Variants in NT5DC3 observed in about 807,000 individuals in gnomAD.
The protein encoded by NT5DC3 is 5'-nucleotidase domain-containing protein 3.
Under a neutral mutation model 67.8 loss-of-function variants are expected in NT5DC3, and 42 were observed. The observed-to-expected ratio is 0.62, with a 90% confidence interval of 0.48 to 0.80. The LOEUF is 0.80. Among genes scored for constraint, NT5DC3 ranks in the 30% least tolerant of loss-of-function variants. NT5DC3 has a pLI of 0.00. For missense variants in NT5DC3, 570 were observed against 696.4 expected, an observed-to-expected ratio of 0.82 and a Z score of 2.04; for synonymous variants, 237 against 255.6, an observed-to-expected ratio of 0.93 and a Z score of 0.69.
At chr12:103,787,646 T>A in intron 10 of NT5DC3, 119 bp from the exon 11 acceptor site, 1 of 522,534 alleles carries the variant, frequency 1.9e-6, no homozygotes, top group Non-Finnish European at 3.3e-6. Flanking sequence ...AATATCAAAA[T>A]ATAAAGATAA....
intron 2 of NT5DC3, among the ~76,000 whole-genome samples, chr12:103,810,027 C>T (rs569676198): frequency 3.3e-5 from 5 of 150,964 alleles, no homozygotes; most frequent in Non-Finnish European, 7.4e-5. Flanking sequence ...AAGGATTCAG[C>T]CCAAAAATGC....
the NT5DC3 span, chr12:103,758,165 C>A: frequency 6.2e-7 from 1 of 1,613,888 alleles, no homozygotes; most frequent in African/African-American, 1.3e-5. Context: ...CCTTCTTCTC[C>A]CCAGGAAGTG....
At chr12:103,781,242 T>C (rs1885537972) in intron 12 of NT5DC3, among the ~76,000 whole-genome samples, 1 of 152,226 alleles carries the variant, frequency 6.6e-6, no homozygotes, top group Non-Finnish European at 1.5e-5. Context: ...CCTTAGAACC[T>C]GGAGGAAAAC....
the NT5DC3 span, chr12:103,755,347 G>A: frequency 1.2e-6 from 2 of 1,614,148 alleles, no homozygotes; most frequent in Non-Finnish European, 1.7e-6. Context: ...GACCGGGCGG[G>A]TTGCCTACCC....
chr12:103,758,463 G>C, the NT5DC3 span, among the ~76,000 whole-genome samples: 1 of 152,242 alleles, frequency 6.6e-6, no homozygotes, highest in East Asian at 1.9e-4. Context: ...TCTGAGACCA[G>C]CTGTCAGCTG....
rs1885269333 is a variant in NT5DC3, at chr12:103,774,313, C to T, written c.*3516G>A. On this transcript the variant is annotated 3_prime_UTR_variant, in exon 14 of 14. Coordinates refer to ENST00000392876, the MANE Select transcript of NT5DC3 (RefSeq NM_001031701.3). ...TAAATGGCTGAAAACAGATTCATTT[C>T]CCTTGTACCAATATGCATTCATCAA... is the stretch of plus-strand genomic sequence containing the variant. The T allele has an allele frequency of 6.6e-6, 1 of 152,210 alleles. No homozygotes were observed. The highest frequency in any genetic ancestry group is 1.5e-5 in the Non-Finnish European group (1 of 68,050). The allele number at this position is 152,210 out of a possible 1,614,324, so 9.4% of individuals were successfully genotyped here.
the NT5DC3 span, chr12:103,762,163 T>G: frequency 2.1e-6 from 3 of 1,426,478 alleles, no homozygotes; most frequent in Non-Finnish European, 2.9e-6. Context: ...CATGTTAACA[T>G]GTCAGTATTT....
At chr12:103,767,492 G>C (rs1885034710), downstream of NT5DC3, among the ~76,000 whole-genome samples, 1 of 152,142 alleles carries the variant, frequency 6.6e-6, no homozygotes, top group East Asian at 1.9e-4. Context: ...ACTACCTTAT[G>C]AATATACTAA....
At chr12:103,756,993 G>GGA in the NT5DC3 span, among the ~76,000 whole-genome samples, 82 of 15,260 alleles carry the variant, frequency 5.4e-3, no homozygotes, top group African/African-American at 0.027. Context: ...CAGAAGGAGG[G>GGA]AAAATATATA....
At chr12:103,767,905 AC>A (rs1240131982), downstream of NT5DC3, among the ~76,000 whole-genome samples, 2 of 151,478 alleles carry the variant, frequency 1.3e-5, no homozygotes, top group Admixed American at 6.6e-5. Flanking sequence ...ACATGGTGAA[AC>A]CCCGTCTCTA....
At chr12:103,783,395 A>G (rs1477422072) in intron 12 of NT5DC3, among the ~76,000 whole-genome samples, 3 of 152,160 alleles carry the variant, frequency 2.0e-5, no homozygotes, top group African/African-American at 7.2e-5. Flanking sequence ...TCACTAGAGC[A>G]AGTTATATCT....
intron 6 of NT5DC3, among the ~76,000 whole-genome samples, chr12:103,796,647 G>A (rs945252563): frequency 6.6e-6 from 1 of 152,246 alleles, no homozygotes; most frequent in African/African-American, 2.4e-5. Flanking sequence ...CTTCTGGTCA[G>A]AAAGGATCAA....
In NT5DC3 at chr12:103,777,665, C is replaced by T. The variant is rs1885387004; in HGVS notation, c.*164G>A. 1.3e-6 allele frequency: 1 copy of T among 795,536 alleles called. No homozygotes were observed. The allele number at this position is 795,536 out of a possible 1,614,324, so 49.3% of individuals were successfully genotyped here. The stretch of plus-strand genomic sequence containing the variant: ...AAAGGCTGGAGGGGTGGGCTGCTAG[C>T]TCCTGTCTTAACCATTGGGAGAATT... On this transcript the variant is annotated 3_prime_UTR_variant, in exon 14 of 14. Coordinates refer to ENST00000392876, the MANE Select transcript of NT5DC3 (RefSeq NM_001031701.3).
downstream of NT5DC3, among the ~76,000 whole-genome samples, chr12:103,769,239 C>T (rs1885130134): frequency 6.6e-6 from 1 of 152,190 alleles, no homozygotes; most frequent in Non-Finnish European, 1.5e-5. Context: ...CAACTTCTCG[C>T]AATAACTGTG....
At chr12:103,828,275 G>A (rs11111804) in intron 1 of NT5DC3, among the ~76,000 whole-genome samples, 1 of 152,296 alleles carries the variant, frequency 6.6e-6, no homozygotes, top group East Asian at 1.9e-4. Flanking sequence ...GATGCCAGAT[G>A]GCCACTAATA....
At chr12:103,834,866 A>G (rs1183044127) in intron 1 of NT5DC3, among the ~76,000 whole-genome samples, 1 of 152,154 alleles carries the variant, frequency 6.6e-6, no homozygotes, top group Non-Finnish European at 1.5e-5. Context: ...CCAGAAAGAA[A>G]GTAAGAAAAT....
At chr12:103,788,782 C>T (rs149327303) in intron 10 of NT5DC3, 56 bp downstream of exon 10, 2 of 1,104,944 alleles carry the variant, frequency 1.8e-6, no homozygotes, top group African/African-American at 3.1e-5. Context: ...CAGCTATTAG[C>T]ATTATTACCG....
intron 1 of NT5DC3, among the ~76,000 whole-genome samples, chr12:103,836,408 T>C (rs570749454): frequency 8.5e-5 from 13 of 152,204 alleles, no homozygotes; most frequent in Admixed American, 1.3e-4. Context: ...CCATTCCAAA[T>C]GGGAGAAATT....
At chr12:103,801,171 A>G (rs1886558893) in intron 4 of NT5DC3, among the ~76,000 whole-genome samples, 1 of 152,072 alleles carries the variant, frequency 6.6e-6, no homozygotes, top group Non-Finnish European at 1.5e-5. Context: ...GGGGACCTGC[A>G]TCAGGGCTTA....
Sources: gnomAD v4.1 joint callset for allele counts (sites outside exome capture counted in the v4.1 genomes callset) on GRCh38, gnomAD v4.1.1 for gene constraint, MANE v1.5 for transcripts, NCBI Gene and HGNC (gene_info 2026-07-23, HGNC 2026-07-21) for gene names.